Variants in CD82 observed in about 807,000 individuals in gnomAD.
The protein encoded by CD82 is CD82 molecule, also known as CD82 antigen.
A neutral mutation model predicts 37.4 loss-of-function variants in CD82; 36 were observed. The observed-to-expected ratio is 0.96, with a 90% CI of 0.74 to 1.27. CD82 has a LOEUF of 1.27. CD82 is among the 50% of genes most tolerant of loss of function. The probability of loss-of-function intolerance (pLI) is 0.00; values close to 1 mark genes in which losing one functional copy is unlikely to be tolerated. For missense variants in CD82, 340 were observed against 347.0 expected (o/e 0.98, Z 0.16); for synonymous variants, 158 against 137.4 (o/e 1.15, Z -1.05).
chr11:44,570,026 G>A (rs1852792042), intron 1 of CD82, among the ~76,000 whole-genome samples: 1 of 152,196 alleles, frequency 6.6e-6, no homozygotes, highest in African/African-American at 2.4e-5. Flanking sequence ...GTCTTTCAAG[G>A]CTGGTGCCAG....
intron 2 of CD82, among the ~76,000 whole-genome samples, chr11:44,592,575 T>C (rs1264078223): frequency 1.3e-5 from 2 of 152,240 alleles, no homozygotes; most frequent in East Asian, 3.8e-4. Context: ...GCCTGTGGTA[T>C]GTCAGGCTCT....
intron 1 of CD82, among the ~76,000 whole-genome samples, chr11:44,585,642 C>A (rs1212433889): frequency 2.0e-5 from 3 of 152,200 alleles, no homozygotes; most frequent in Non-Finnish European, 4.4e-5. Context: ...TGGCAGATAC[C>A]CGGCAGAGCC....
At chr11:44,618,916 G>T in intron 9 of CD82, 133 bp from the exon 10 acceptor site, 3 of 881,638 alleles carry the variant, frequency 3.4e-6, no homozygotes, top group Non-Finnish European at 5.5e-6. Flanking sequence ...TCCCTCTGCT[G>T]CCTGCATCAC....
intron 1 of CD82, chr11:44,585,087 G>C (rs1278831495): frequency 7.3e-6 from 3 of 411,910 alleles, no homozygotes; most frequent in African/African-American, 6.2e-5. Flanking sequence ...CTGGAGGCTA[G>C]AGGCAGAGGC....
chr11:44,566,503 AG>A (rs1852737560), intron 1 of CD82, among the ~76,000 whole-genome samples: 2 of 152,014 alleles, frequency 1.3e-5, no homozygotes, highest in African/African-American at 2.4e-5. Flanking sequence ...CTGTTCCTGG[AG>A]GTGGTGGGTG....
chr11:44,612,869 G>A (rs1000424495), intron 6 of CD82, among the ~76,000 whole-genome samples: 2 of 151,870 alleles, frequency 1.3e-5, no homozygotes, highest in Non-Finnish European at 2.9e-5. Context: ...GATCTCCTGA[G>A]CTCGTAATCT....
intron 6 of CD82, among the ~76,000 whole-genome samples, chr11:44,611,785 G>A (rs1220668250): frequency 2.0e-5 from 3 of 152,194 alleles, no homozygotes; most frequent in African/African-American, 4.8e-5. Flanking sequence ...CATGGTCCCC[G>A]TGGCCCAGGT....
At chr11:44,578,096 G>A (rs1293537321) in intron 1 of CD82, among the ~76,000 whole-genome samples, 1 of 152,206 alleles carries the variant, frequency 6.6e-6, no homozygotes, top group African/African-American at 2.4e-5. Context: ...GAGACCAGGG[G>A]ATGGGGCCCA....
At position 44,618,163 on chromosome 11, in the gene CD82, T is replaced by A. The variant is rs751215015; in HGVS notation, c.440T>A (p.Val147Glu). The A allele has an allele frequency of 6.2e-7, 1 of 1,613,848 alleles. No homozygotes were observed. Among genetic ancestry groups the A allele is most frequent in the Non-Finnish European group, 8.5e-7 (1 of 1,179,894 alleles). ...CAGTCTGTCCCCTGCCTTGCCCAGGTGAAGTGCTGCGGCTGGGTCAGCTTC... is the reference window on the plus strand; with the variant it reads ...CAGTCTGTCCCCTGCCTTGCCCAGGAGAAGTGCTGCGGCTGGGTCAGCTTC... ...QDAWDYVQAQ[V>E]KCCGWVSFYN... Residue 147 changes from valine to glutamate, a missense_variant and splice_region_variant, in exon 8 of 10, where the codon GTG becomes GAG. Val to Glu is a moderately radical substitution (Grantham distance 121). Transcript: ENST00000227155.
intron 6 of CD82, among the ~76,000 whole-genome samples, chr11:44,608,787 C>CT (rs1379045273): frequency 6.6e-6 from 1 of 152,256 alleles, no homozygotes; most frequent in East Asian, 1.9e-4. Flanking sequence ...CTGCAGGCTG[C>CT]TGCCCCAGCC....
intron 4 of CD82, among the ~76,000 whole-genome samples, chr11:44,601,397 C>T (rs994105426): frequency 1.3e-5 from 2 of 152,168 alleles, no homozygotes; most frequent in Admixed American, 1.3e-4. Context: ...TCCCCTTTCA[C>T]CCTCCATTCT....
intron 6 of CD82, among the ~76,000 whole-genome samples, chr11:44,611,088 G>A (rs1011411855): frequency 6.6e-6 from 1 of 152,170 alleles, no homozygotes; most frequent in Non-Finnish European, 1.5e-5. Flanking sequence ...GCCCATTTCG[G>A]CCTCCCAAAG....
In CD82 at chr11:44,614,024, G is replaced by GT. The variant is rs567518762; in HGVS notation, c.337-1242dup. Reference sequence around the variant, plus strand: ...GTTTTTGTTGTTGTTTTTGTTTTTTGTTTTTTGAGATGGACTCTTACTCTG... The same window carrying GT: ...GTTTTTGTTGTTGTTTTTGTTTTTTGTTTTTTTGAGATGGACTCTTACTCTG... On this transcript the variant is annotated intron_variant, in intron 6 of 9. Transcript: ENST00000227155. Among the ~76,000 whole-genome samples, 67 of 151,656 alleles carry GT rather than the reference G, an allele frequency of 4.4e-4. 3 individuals carry two copies. The South Asian group carries it at 0.014, about 32-fold the overall frequency.
chr11:44,609,903 C>G (rs1326803271), intron 6 of CD82, among the ~76,000 whole-genome samples: 1 of 152,166 alleles, frequency 6.6e-6, no homozygotes, highest in East Asian at 1.9e-4. Flanking sequence ...GTCACTGGCT[C>G]TGCATTCTGG....
chr11:44,596,414 C>G (rs1184643385), intron 3 of CD82, among the ~76,000 whole-genome samples: 1 of 152,258 alleles, frequency 6.6e-6, no homozygotes, highest in Non-Finnish European at 1.5e-5. Context: ...CCTAGGAGAT[C>G]ACGGAGCTTG....
At chr11:44,574,989 G>A (rs887236234) in intron 1 of CD82, among the ~76,000 whole-genome samples, 1 of 152,194 alleles carries the variant, frequency 6.6e-6, no homozygotes, top group Non-Finnish European at 1.5e-5. Context: ...CAACTCTAAT[G>A]AGCTCCATGG....
chr11:44,579,852 T>C (rs938557567), intron 1 of CD82, among the ~76,000 whole-genome samples: 3 of 152,120 alleles, frequency 2.0e-5, no homozygotes, highest in African/African-American at 7.2e-5. Flanking sequence ...GCTCCCGTCA[T>C]GGAGAGGGCT....
At chr11:44,605,642 C>T (rs531241734) in intron 6 of CD82, among the ~76,000 whole-genome samples, 1 of 152,296 alleles carries the variant, frequency 6.6e-6, no homozygotes, top group Admixed American at 6.5e-5. Flanking sequence ...GGGCCTGGAT[C>T]TTAGCCTGAC....
intron 7 of CD82, among the ~76,000 whole-genome samples, chr11:44,615,627 C>T (rs1003267544): frequency 1.3e-5 from 2 of 152,318 alleles, no homozygotes; most frequent in Admixed American, 1.3e-4. Context: ...GGGCAGTTGT[C>T]AGCCCTCTTA....
Sources: allele counts gnomAD v4.1 joint callset (sites outside exome capture counted in the v4.1 genomes callset), GRCh38; gene constraint gnomAD v4.1.1; transcripts MANE v1.5; gene names NCBI Gene and HGNC (gene_info 2026-07-23, HGNC 2026-07-21).